Variants in TMCC1 observed in about 807,000 individuals in gnomAD.
TMCC1 encodes the protein transmembrane and coiled-coil domain family 1, also known as transmembrane and coiled-coil domains protein 1.
TMCC1 carries 15 observed loss-of-function variants against 52.4 expected under a neutral mutation model. The observed-to-expected ratio is 0.29, with a 90% CI of 0.19 to 0.44. The LOEUF (loss-of-function observed/expected upper bound fraction) is 0.44, where lower values mean the gene tolerates loss of function less well. TMCC1 is among the 20% of genes least tolerant of loss of function. The pLI, the probability that TMCC1 is intolerant of heterozygous loss-of-function variation, is 1.00. For missense variants in TMCC1, 503 were observed against 806.0 expected (o/e 0.62, Z 4.55); for synonymous variants, 279 against 301.9 (o/e 0.92, Z 0.79).
At chr3:129,809,098 T>A (rs890596871) in intron 4 of TMCC1, among the ~76,000 whole-genome samples, 12 of 151,500 alleles carry the variant, frequency 7.9e-5, no homozygotes, top group African/African-American at 2.9e-4. Flanking sequence ...ATACAAAAAG[T>A]TAGCTGGGTG....
chr3:129,786,233 C>T (rs920399996), intron 4 of TMCC1, among the ~76,000 whole-genome samples: 1 of 152,128 alleles, frequency 6.6e-6, no homozygotes, highest in African/African-American at 2.4e-5. Flanking sequence ...AGCTGCCGTA[C>T]CCAGCCATGT....
At chr3:129,876,025 C>A (rs2061190506) in intron 2 of TMCC1, among the ~76,000 whole-genome samples, 1 of 151,822 alleles carries the variant, frequency 6.6e-6, no homozygotes, top group South Asian at 2.1e-4. Flanking sequence ...ATCCCAGCTA[C>A]CTGGGAGGCT....
intron 4 of TMCC1, among the ~76,000 whole-genome samples, chr3:129,797,480 G>T (rs185712534): frequency 2.6e-5 from 4 of 152,284 alleles, no homozygotes; most frequent in African/African-American, 9.6e-5. Context: ...GTGTGCTTAT[G>T]CCTGTGATCC....
At chr3:129,809,388 CT>C (rs2057673008) in intron 4 of TMCC1, among the ~76,000 whole-genome samples, 1 of 151,942 alleles carries the variant, frequency 6.6e-6, no homozygotes, top group African/African-American at 2.4e-5. Context: ...GCAGATATGA[CT>C]TTTAAATTCC....
intron 4 of TMCC1, among the ~76,000 whole-genome samples, chr3:129,785,139 C>T (rs745896384): frequency 5.9e-5 from 9 of 152,218 alleles, no homozygotes; most frequent in Middle Eastern, 3.4e-3. Context: ...AGATAACACC[C>T]AACCATTGGG....
intron 2 of TMCC1, among the ~76,000 whole-genome samples, chr3:129,874,815 C>T (rs2107974984): frequency 6.6e-6 from 1 of 152,062 alleles, no homozygotes; most frequent in East Asian, 1.9e-4. Flanking sequence ...TATGATTGCA[C>T]CACTGCACTC....
At chr3:129,747,274 C>A (rs1210057323) in intron 4 of TMCC1, among the ~76,000 whole-genome samples, 5 of 151,890 alleles carry the variant, frequency 3.3e-5, no homozygotes, top group Non-Finnish European at 5.9e-5. Context: ...ATTCTTTCTC[C>A]CGAAAAAAAA....
intron 2 of TMCC1, among the ~76,000 whole-genome samples, chr3:129,849,736 A>T: frequency 6.6e-6 from 1 of 151,878 alleles, no homozygotes; most frequent in South Asian, 2.1e-4. Flanking sequence ...ACCGCACTAC[A>T]GCTTGGGCAA....
intron 4 of TMCC1, among the ~76,000 whole-genome samples, chr3:129,807,724 A>G (rs1332001252): frequency 6.6e-6 from 1 of 152,224 alleles, no homozygotes; most frequent in African/African-American, 2.4e-5. Flanking sequence ...ATTTATTTAC[A>G]ACCTAAAATT....
At chr3:129,802,510 G>A (rs2057251614) in intron 4 of TMCC1, among the ~76,000 whole-genome samples, 1 of 152,226 alleles carries the variant, frequency 6.6e-6, no homozygotes, top group Non-Finnish European at 1.5e-5. Context: ...GGAAGGCTGA[G>A]GCAGGAGGAT....
chr3:129,729,692 G>T (rs2050391074), intron 4 of TMCC1, among the ~76,000 whole-genome samples: 1 of 152,182 alleles, frequency 6.6e-6, no homozygotes, highest in Admixed American at 6.6e-5. Context: ...ATTGCAAGTT[G>T]AAAGTGTATT....
intron 4 of TMCC1, among the ~76,000 whole-genome samples, chr3:129,783,176 A>G (rs1440138746): frequency 6.6e-6 from 1 of 152,232 alleles, no homozygotes; most frequent in Non-Finnish European, 1.5e-5. Context: ...TGAATGACAT[A>G]TGATTCCTTT....
intron 4 of TMCC1, among the ~76,000 whole-genome samples, chr3:129,725,917 G>A (rs2050040604): frequency 6.6e-6 from 1 of 152,132 alleles, no homozygotes; most frequent in African/African-American, 2.4e-5. Flanking sequence ...TACTGCCAAA[G>A]GTAGGAGATA....
rs1480864739 is a variant in TMCC1, at chr3:129,763,218, ATAAAT to A, written c.576+64580_576+64584del. 2.5e-4 allele frequency among the ~76,000 whole-genome samples: 31 copies of A among 122,964 alleles called. 2 individuals carry two copies. Among genetic ancestry groups the A allele is most frequent in the African/African-American group, 9.5e-4 (31 of 32,494 alleles). The allele number at this position is 122,964 out of a possible 152,430, so 80.7% of individuals were successfully genotyped here. A position where few individuals can be genotyped will look rare whatever the true frequency, so the allele number is the denominator to read the frequency against. Reference sequence around the variant, plus strand: ...GTCTCAAAAAATAAAAAATAAATAAATAAATAAATAAATAAATAAATAAATAAATA... The same window carrying A: ...GTCTCAAAAAATAAAAAATAAATAAAAAATAAATAAATAAATAAATAAATA... On this transcript the variant is annotated intron_variant, in intron 4 of 6. Coordinates refer to ENST00000393238, the MANE Select transcript of TMCC1 (RefSeq NM_001017395.5).
intron 4 of TMCC1, among the ~76,000 whole-genome samples, chr3:129,741,990 A>G (rs2051499640): frequency 6.6e-6 from 1 of 152,178 alleles, no homozygotes; most frequent in African/African-American, 2.4e-5. Context: ...CTTTAAAGAC[A>G]ATGCTGAAGA....
chr3:129,654,935 AT>A, intron 6 of TMCC1, 32 bp downstream of exon 6: 1 of 1,607,044 alleles, frequency 6.2e-7, no homozygotes, highest in Non-Finnish European at 8.5e-7. Context: ...ACCCTACTGT[AT>A]TTTGCATTTA....
intron 4 of TMCC1, among the ~76,000 whole-genome samples, chr3:129,777,997 G>A (rs1157275126): frequency 1.3e-5 from 2 of 152,078 alleles, no homozygotes; most frequent in Non-Finnish European, 2.9e-5. Flanking sequence ...CCTCTGCTTC[G>A]GTTGTTGCCT....
chr3:129,723,963 C>T (rs1049610198), intron 4 of TMCC1, among the ~76,000 whole-genome samples: 1 of 146,726 alleles, frequency 6.8e-6, no homozygotes, highest in Non-Finnish European at 1.5e-5. Flanking sequence ...ATACAACATA[C>T]GGTTTCCGAG....
At chr3:129,892,955 T>C (rs1056190) in intron 1 of TMCC1, among the ~76,000 whole-genome samples, 56,537 of 152,000 alleles carry the variant, frequency 0.37, 15,945 homozygotes, top group African/African-American at 0.78. Flanking sequence ...CACCTCCCAC[T>C]ACATATTCTC....
Sources: gnomAD v4.1 joint callset for allele counts (sites outside exome capture counted in the v4.1 genomes callset) on GRCh38, gnomAD v4.1.1 for gene constraint, MANE v1.5 for transcripts, NCBI Gene and HGNC (gene_info 2026-07-23, HGNC 2026-07-21) for gene names.